The following DENND4A variants were observed in gnomAD, a reference collection of about 807,000 sequenced individuals.
DENND4A encodes DENN domain containing 4A, also known as C-myc promoter-binding protein.
DENND4A carries 70 observed loss-of-function variants against 199.3 expected under a neutral mutation model. The ratio of observed to expected loss-of-function variants is 0.35; its 90% confidence interval spans 0.29 to 0.43. The LOEUF is 0.43. DENND4A is among the 20% of genes least tolerant of loss of function. The probability of loss-of-function intolerance (pLI) is 1.00; values close to 1 mark genes in which losing one functional copy is unlikely to be tolerated. For missense variants in DENND4A, 1,723 were observed against 2,255.8 expected (o/e 0.76, Z 4.78); for synonymous variants, 686 against 766.9 (o/e 0.89, Z 1.74).
At chr15:65,671,996 CAAA>C in intron 24 of DENND4A, 110 bp from the exon 25 acceptor site, 1 of 701,080 alleles carries the variant, frequency 1.4e-6, no homozygotes, top group Non-Finnish European at 2.5e-6. Context: ...CTATTCCAGT[CAAA>C]ATATTAAAAC....
At chr15:65,768,406 A>G (rs1405192780) in intron 1 of DENND4A, among the ~76,000 whole-genome samples, 1 of 152,196 alleles carries the variant, frequency 6.6e-6, no homozygotes, top group Non-Finnish European at 1.5e-5. Flanking sequence ...CACAAAATAA[A>G]CACATCATCC....
chr15:65,782,323 C>T (rs2077455052), intron 1 of DENND4A, among the ~76,000 whole-genome samples: 2 of 152,174 alleles, frequency 1.3e-5, no homozygotes, highest in Non-Finnish European at 2.9e-5. Flanking sequence ...TTTCTGGCTC[C>T]TTCTTGCTTG....
At chr15:65,736,402 G>T (rs2076119643) in intron 7 of DENND4A, among the ~76,000 whole-genome samples, 1 of 151,636 alleles carries the variant, frequency 6.6e-6, no homozygotes, top group African/African-American at 2.4e-5. Flanking sequence ...TGAGATTACA[G>T]GTGCCCACAA....
intron 1 of DENND4A, among the ~76,000 whole-genome samples, chr15:65,791,773 C>G (rs1490550241): frequency 6.6e-6 from 1 of 152,122 alleles, no homozygotes; most frequent in Non-Finnish European, 1.5e-5. Context: ...ACACAGGAGC[C>G]CCCCACGCGT....
rs1471274604 is a variant in DENND4A at position 65,665,452 on chromosome 15, T to G, written c.5252A>C (p.His1751Pro). Residue 1751 changes from histidine to proline, a missense_variant, in exon 30 of 33, where the codon CAC (histidine) becomes CCC (proline). By Grantham distance (77) the His-to-Pro change is moderately conservative. Transcript: ENST00000443035. ...ATATTTGCTATCTTCAGACATACAG[T>G]GGCGGGGAATCTGTGTTATACAATA... ...HCNKYSKIPR[H>P]CMSEDSKYVL... 4 of 1,611,652 alleles carry G rather than the reference T, an allele frequency of 2.5e-6. No homozygotes were observed. In the Admixed American group the frequency reaches 6.7e-5, roughly 27 times the overall value.
intron 32 of DENND4A, 123 bp downstream of exon 32, chr15:65,664,207 A>T (rs1442612602): frequency 3.3e-6 from 2 of 603,058 alleles, no homozygotes; most frequent in Non-Finnish European, 5.5e-6. Flanking sequence ...AGCAACAACT[A>T]ATCTACCTTT....
Position 65,792,251 on chromosome 15 carries a change from C to T in DENND4A, c.-343G>A, listed in dbSNP as rs1325841237. ...CCACTGCCTCCGCCTCTTTCTCCGA[C>T]TCTAGCCTCCGCGGCCACCGCGACC... On this transcript the variant is annotated 5_prime_UTR_variant, in exon 1 of 33. Coordinates refer to ENST00000443035, the MANE Select transcript of DENND4A (RefSeq NM_001320835.1). The T allele has an allele frequency of 6.6e-6, 1 of 152,256 alleles. No homozygotes were observed. The highest frequency in any genetic ancestry group is 2.1e-4 in the South Asian group (1 of 4,874). The allele number at this position is 152,256 out of a possible 1,614,324, so 9.4% of individuals were successfully genotyped here.
chr15:65,692,245 A>G (rs1489956892), intron 22 of DENND4A, among the ~76,000 whole-genome samples: 1 of 152,210 alleles, frequency 6.6e-6, no homozygotes, highest in Non-Finnish European at 1.5e-5. Flanking sequence ...ATGGGGCCAA[A>G]TAATTTTACC....
intron 13 of DENND4A, among the ~76,000 whole-genome samples, chr15:65,717,280 ATATG>A (rs1313341699): frequency 6.6e-6 from 1 of 152,222 alleles, no homozygotes; most frequent in Non-Finnish European, 1.5e-5. Context: ...AAGAAAGTAA[ATATG>A]TATTATAAAA....
chr15:65,788,095 G>A (rs1439684574), intron 1 of DENND4A, among the ~76,000 whole-genome samples: 10 of 134,186 alleles, frequency 7.5e-5, no homozygotes, highest in African/African-American at 2.7e-4. Flanking sequence ...TTTTTTTTTT[G>A]AGACAGAGTC....
At chr15:65,774,219 G>A (rs768793210) in intron 1 of DENND4A, among the ~76,000 whole-genome samples, 2 of 152,130 alleles carry the variant, frequency 1.3e-5, no homozygotes, top group African/African-American at 4.8e-5. Flanking sequence ...GGCCAGGCAC[G>A]GTGGCTCACG....
rs1567117632 is a variant in DENND4A, at chr15:65,792,039, A to C, written c.-131T>G. 1 of 152,324 alleles carries C rather than the reference A, an allele frequency of 6.6e-6. No individual in the cohort carries two copies. Among genetic ancestry groups the C allele is most frequent in the Non-Finnish European group, 1.5e-5 (1 of 68,146 alleles). The allele number at this position is 152,324 out of a possible 1,614,324, so 9.4% of individuals were successfully genotyped here. A position where few individuals can be genotyped will look rare whatever the true frequency, so the allele number is the denominator to read the frequency against. On this transcript the variant is annotated 5_prime_UTR_variant, in exon 1 of 33. Coordinates refer to ENST00000443035, the MANE Select transcript of DENND4A (RefSeq NM_001320835.1). ...CAGCTGGCTCCCGTGCGAGCAGCGGATCGAGCTCGGAGAGCGGCGCCGGAA... is the reference window on the plus strand; with the variant it reads ...CAGCTGGCTCCCGTGCGAGCAGCGGCTCGAGCTCGGAGAGCGGCGCCGGAA...
intron 9 of DENND4A, 47 bp from the exon 10 acceptor site, chr15:65,729,725 C>G: frequency 6.6e-7 from 1 of 1,507,002 alleles, no homozygotes; most frequent in African/African-American, 1.4e-5. Flanking sequence ...ATGATCCAAA[C>G]ACCTCATTAT....
At chr15:65,720,375 C>G (rs1486393251) in intron 12 of DENND4A, among the ~76,000 whole-genome samples, 3 of 150,962 alleles carry the variant, frequency 2.0e-5, no homozygotes, top group African/African-American at 7.3e-5. Flanking sequence ...AGTGAAAATA[C>G]TGGAAGAACG....
chr15:65,774,300 G>C (rs1167791095), intron 1 of DENND4A, among the ~76,000 whole-genome samples: 1 of 152,180 alleles, frequency 6.6e-6, no homozygotes, highest in Non-Finnish European at 1.5e-5. Context: ...AGACCAGCCT[G>C]ACCAACATGG....
At chr15:65,785,800 T>C (rs971328924) in intron 1 of DENND4A, among the ~76,000 whole-genome samples, 4 of 152,088 alleles carry the variant, frequency 2.6e-5, no homozygotes, top group Non-Finnish European at 5.9e-5. Flanking sequence ...ATCAACAATA[T>C]ATACTATAGG....
chr15:65,713,906 T>A (rs1409308007), intron 14 of DENND4A, among the ~76,000 whole-genome samples: 1 of 152,120 alleles, frequency 6.6e-6, no homozygotes, highest in Non-Finnish European at 1.5e-5. Flanking sequence ...GCTTTTGGGG[T>A]GTGGCTGCAT....
chr15:65,764,966 T>G (rs1222273565), intron 1 of DENND4A, among the ~76,000 whole-genome samples: 27 of 139,526 alleles, frequency 1.9e-4, no homozygotes, highest in African/African-American at 7.6e-4. Context: ...AGCGAGACCC[T>G]GTCTCCAAAA....
chr15:65,725,325 GC>G (rs2075769017), intron 11 of DENND4A, among the ~76,000 whole-genome samples: 1 of 152,152 alleles, frequency 6.6e-6, no homozygotes, highest in Non-Finnish European at 1.5e-5. Context: ...TAAGCTATAT[GC>G]CCTTTGATAA....
Sources: allele counts gnomAD v4.1 joint callset (sites outside exome capture counted in the v4.1 genomes callset), GRCh38; gene constraint gnomAD v4.1.1; transcripts MANE v1.5; gene names NCBI Gene and HGNC (gene_info 2026-07-23, HGNC 2026-07-21).